The following PALM2AKAP2 variants were observed in gnomAD, a reference collection of about 807,000 sequenced individuals.
The protein encoded by PALM2AKAP2 is PALM2-AKAP2 fusion protein.
Under a neutral mutation model 71.5 loss-of-function variants are expected in PALM2AKAP2, and 37 were observed. The ratio of observed to expected loss-of-function variants is 0.52; its 90% CI spans 0.40 to 0.68. The LOEUF (loss-of-function observed/expected upper bound fraction) is 0.68. Ranked by LOEUF, PALM2AKAP2 falls within the 30% of genes least tolerant of loss-of-function variation. The pLI, the probability that PALM2AKAP2 is intolerant of heterozygous loss-of-function variation, is 0.00. For missense variants in PALM2AKAP2, 1,224 were observed against 1,191.8 expected (o/e 1.03, Z -0.40); for synonymous variants, 468 against 478.8 (o/e 0.98, Z 0.29).
At position 109,646,218 on chromosome 9, in the gene PALM2AKAP2, C is replaced by CTT. The variant is rs1286169510; in HGVS notation, c.5+5353_5+5354dup. Among the ~76,000 whole-genome samples, 3 of 152,290 alleles carry CTT rather than the reference C, an allele frequency of 2.0e-5. No individual in the cohort carries two copies. In the East Asian group the frequency reaches 5.8e-4, roughly 29 times the overall value. The stretch of plus-strand genomic sequence containing the variant: ...ATGAAACATCAGGCAATGGCAGGTA[C>CTT]TTGCTGCCCTCCTGGGTGGGTTGGG... On this transcript the variant is annotated intron_variant, in intron 1 of 6. Coordinates refer to the PALM2AKAP2 transcript ENST00000374531.
intron 1 of PALM2AKAP2, among the ~76,000 whole-genome samples, chr9:109,851,225 CTACCTGGTAGTGTT>C (rs1322075359): frequency 0.018 from 2,378 of 133,102 alleles, 72 homozygotes; most frequent in African/African-American, 0.06. Flanking sequence ...AAAAAAAACA[CTACCTGGTAGTGTT>C]TACAGCCTTG....
At chr9:110,063,439 ATT>A (rs35944774) in intron 1 of PALM2AKAP2, among the ~76,000 whole-genome samples, 271 of 131,166 alleles carry the variant, frequency 2.1e-3, no homozygotes, top group Non-Finnish European at 3.2e-3. Flanking sequence ...CCAAATTTCT[ATT>A]TTTTTTTTTT....
At chr9:110,127,461 C>A (rs1835633554) in intron 1 of PALM2AKAP2, among the ~76,000 whole-genome samples, 1 of 152,154 alleles carries the variant, frequency 6.6e-6, no homozygotes, top group Non-Finnish European at 1.5e-5. Context: ...CCTAGTTCCA[C>A]AGGCCGGAAG....
intron 1 of PALM2AKAP2, among the ~76,000 whole-genome samples, chr9:109,673,822 T>C (rs1781243757): frequency 6.6e-6 from 1 of 152,142 alleles, no homozygotes; most frequent in African/African-American, 2.4e-5. Context: ...TACATTATCT[T>C]GTTGAATTGA....
At position 109,722,833 on chromosome 9, in the gene PALM2AKAP2, G is replaced by A. The variant is rs1016074479; in HGVS notation, c.6-57655G>A. ...AAAATTCTTCACCTGGCATTTGAAA[G>A]CCCCTCACAATCTGCCCTTGATTAT... On this transcript the variant is annotated intron_variant, in intron 1 of 6. Transcript: ENST00000374531. Among the ~76,000 whole-genome samples the A allele has an allele frequency of 2.6e-5, 4 of 152,080 alleles. No individual in the cohort carries two copies. The South Asian group carries it at 8.3e-4, about 32-fold the overall frequency.
At chr9:110,156,250 C>A in intron 2 of PALM2AKAP2, 69 bp from the exon 9 acceptor site, 2 of 1,469,908 alleles carry the variant, frequency 1.4e-6, no homozygotes, top group Non-Finnish European at 9.0e-7. Context: ...TTTTATTTGC[C>A]AGTTTTCTTT....
intron 6 of PALM2AKAP2, among the ~76,000 whole-genome samples, chr9:109,984,937 G>A (rs10980134): frequency 0.058 from 8,794 of 152,236 alleles, 372 homozygotes; most frequent in Non-Finnish European, 0.092. Context: ...AACTTTGGGA[G>A]GCCAAAGCAG....
intron 1 of PALM2AKAP2, among the ~76,000 whole-genome samples, chr9:109,642,636 C>T (rs922054319): frequency 6.6e-6 from 1 of 151,544 alleles, no homozygotes; most frequent in Non-Finnish European, 1.5e-5. Context: ...TGGCTCACTG[C>T]AGTATTGACC....
chr9:110,102,664 A>G, intron 1 of PALM2AKAP2, among the ~76,000 whole-genome samples: 1 of 151,914 alleles, frequency 6.6e-6, no homozygotes, highest in East Asian at 1.9e-4. Flanking sequence ...ACAGATGCTC[A>G]ACTCCTAGAC....
chr9:109,826,326 G>T (rs10980073), intron 1 of PALM2AKAP2, among the ~76,000 whole-genome samples: 41,526 of 151,706 alleles, frequency 0.27, 5,916 homozygotes, highest in East Asian at 0.48. Context: ...TAACAAACCT[G>T]CACGTTGTGC....
intron 1 of PALM2AKAP2, among the ~76,000 whole-genome samples, chr9:109,862,355 G>A (rs1224565360): frequency 6.6e-6 from 1 of 152,192 alleles, no homozygotes; most frequent in Non-Finnish European, 1.5e-5. Flanking sequence ...AAACAATGTA[G>A]TAGGACCCTT....
chr9:110,146,100 G>T lies in PALM2AKAP2; in HGVS notation c.2569+7561G>T, dbSNP rs552748246. Among the ~76,000 whole-genome samples, 173 of 151,836 alleles carry T rather than the reference G, an allele frequency of 1.1e-3. 4 individuals carry two copies. The South Asian group carries it at 0.033, about 29-fold the overall frequency. ...TTTTTAGTAGAGATGGGGTTTCACC[G>T]TGTTAGCCAGGATGGTCTCAATCTC... On this transcript the variant is annotated intron_variant, in intron 2 of 3. Transcript: ENST00000374525.
chr9:109,653,339 A>G (rs1827251845), intron 1 of PALM2AKAP2, among the ~76,000 whole-genome samples: 1 of 152,244 alleles, frequency 6.6e-6, no homozygotes, highest in Admixed American at 6.5e-5. Context: ...CTTTGTAGAT[A>G]CTTGGTTTTA....
chr9:109,968,759 G>A (rs538377776), intron 6 of PALM2AKAP2, among the ~76,000 whole-genome samples: 125 of 152,248 alleles, frequency 8.2e-4, no homozygotes, highest in South Asian at 3.7e-3. Context: ...GATTTTCAGG[G>A]CAGCTACATT....
exon 2 of PALM2AKAP2, chr9:110,136,715 C>A: frequency 6.2e-7 from 1 of 1,614,198 alleles, no homozygotes. Context: ...AACCAGCTCA[C>A]GGTGTTCTTC....
Position 109,943,599 on chromosome 9 carries a change from C to T in PALM2AKAP2, c.496+11571C>T, listed in dbSNP as rs751910547. On this transcript the variant is annotated intron_variant, in intron 6 of 9. Coordinates refer to the PALM2AKAP2 transcript ENST00000302798. ...TTCCTTTTCCTCACCTGAGAGACAACGTGCATGTGTGTGCTTCATTCTCTC... is the reference window on the plus strand; with the variant it reads ...TTCCTTTTCCTCACCTGAGAGACAATGTGCATGTGTGTGCTTCATTCTCTC... 18 of 835,192 alleles carry T rather than the reference C, an allele frequency of 2.2e-5. No homozygotes were observed. The East Asian group carries it at 2.8e-4, about 13-fold the overall frequency. The allele number at this position is 835,192 out of a possible 1,614,324, so 51.7% of individuals were successfully genotyped here. A position where few individuals can be genotyped will look rare whatever the true frequency, so the allele number is the denominator to read the frequency against.
intron 1 of PALM2AKAP2, among the ~76,000 whole-genome samples, chr9:109,854,237 G>A (rs1388733762): frequency 6.6e-6 from 1 of 152,216 alleles, no homozygotes. Flanking sequence ...CCACCAAAGA[G>A]GAGACATAAG....
upstream of PALM2AKAP2, among the ~76,000 whole-genome samples, chr9:110,043,866 A>G (rs1054309524): frequency 2.0e-5 from 3 of 151,532 alleles, no homozygotes; most frequent in African/African-American, 7.3e-5. Context: ...GATCACAAGC[A>G]TGTCACCACA....
chr9:110,125,704 G>T lies in PALM2AKAP2; in HGVS notation c.157-10423G>T, dbSNP rs1358174920. 4.7e-6 allele frequency: 3 copies of T among 633,024 alleles called. No individual in the cohort carries two copies. In the African/African-American group the frequency reaches 6.0e-5, roughly 13 times the overall value. 39.2% of individuals were successfully genotyped at this position (633,024 alleles called of 1,614,324 possible). A position where few individuals can be genotyped will look rare whatever the true frequency, so the allele number is the denominator to read the frequency against. On this transcript the variant is annotated intron_variant, in intron 1 of 3. Transcript: ENST00000374525. ...TTTATGGAGGAGGTTTTCTGAGTGT[G>T]TCATGTGCTGTGGAGTCCTTTCTTG...
Sources: gnomAD v4.1 joint callset for allele counts (sites outside exome capture counted in the v4.1 genomes callset) on GRCh38, gnomAD v4.1.1 for gene constraint, MANE v1.5 for transcripts, NCBI Gene and HGNC (gene_info 2026-07-23, HGNC 2026-07-21) for gene names.